The following SP4 variants were observed in gnomAD, a reference collection of about 807,000 sequenced individuals.
SP4 encodes the protein transcription factor Sp4.
In SP4, 19 loss-of-function variants were observed where a neutral mutation model predicts 72.8. The ratio of observed to expected loss-of-function variants is 0.26; its 90% CI spans 0.18 to 0.38. SP4 has a LOEUF of 0.38. Ranked by LOEUF, SP4 falls within the 10% of genes least tolerant of loss-of-function variation. SP4 has a pLI of 1.00. For missense variants in SP4, 1,008 were observed against 926.3 expected, an observed-to-expected ratio of 1.09 and a Z score of -1.14; for synonymous variants, 395 against 333.1, an observed-to-expected ratio of 1.19 and a Z score of -2.02.
At chr7:21,468,675 T>C (rs1448560929) in intron 3 of SP4, among the ~76,000 whole-genome samples, 1 of 152,088 alleles carries the variant, frequency 6.6e-6, no homozygotes, top group Non-Finnish European at 1.5e-5. Context: ...TATAATTATA[T>C]CTTTTGTAAA....
intron 3 of SP4, among the ~76,000 whole-genome samples, chr7:21,436,677 T>C (rs147132107): frequency 4.7e-4 from 71 of 152,278 alleles, no homozygotes; most frequent in Non-Finnish European, 3.8e-4. Context: ...TGAGTTAAGA[T>C]TGGCTGTTAA....
chr7:21,432,474 G>GATT (rs1782894098), intron 3 of SP4, among the ~76,000 whole-genome samples: 1 of 152,142 alleles, frequency 6.6e-6, no homozygotes, highest in African/African-American at 2.4e-5. Context: ...TTATAATTTA[G>GATT]GTTAGAAGTA....
chr7:21,467,309 TA>T (rs908634472), intron 3 of SP4, among the ~76,000 whole-genome samples: 253 of 151,896 alleles, frequency 1.7e-3, no homozygotes, highest in Non-Finnish European at 3.1e-3. Flanking sequence ...AAAGTAGAAT[TA>T]AAAAAAAATT....
At chr7:21,482,711 A>G in intron 5 of SP4, 1 of 976,968 alleles carries the variant, frequency 1.0e-6, no homozygotes, top group Non-Finnish European at 1.2e-6. Context: ...CACTTTTAAT[A>G]CTCTGACATA....
chr7:21,452,959 T>G (rs1314752786), intron 3 of SP4, among the ~76,000 whole-genome samples: 2 of 152,052 alleles, frequency 1.3e-5, no homozygotes, highest in Non-Finnish European at 2.9e-5. Context: ...TTTTTATATT[T>G]TTAGTAGAGA....
rs943341806 is a variant in SP4 at position 21,513,375 on chromosome 7, T to C, written c.*2106T>C. The C allele has an allele frequency of 2.0e-5, 3 of 152,606 alleles. No homozygotes were observed. Among genetic ancestry groups the C allele is most frequent in the African/African-American group, 7.2e-5 (3 of 41,450 alleles). 9.5% of individuals were successfully genotyped at this position (152,606 alleles called of 1,614,324 possible). On this transcript the variant is annotated 3_prime_UTR_variant, in exon 6 of 6. Coordinates refer to ENST00000222584, the MANE Select transcript of SP4 (RefSeq NM_003112.5). ...TAGACTTGTAACAGAGTCTTTAAAT[T>C]TAAGTTGGATTTTGTAAATTGTTTT...
At chr7:21,458,264 C>G (rs1783837976) in intron 3 of SP4, among the ~76,000 whole-genome samples, 1 of 152,158 alleles carries the variant, frequency 6.6e-6, no homozygotes, top group Admixed American at 6.5e-5. Context: ...ACAGTCTTGG[C>G]TCACTGCAAA....
intron 5 of SP4, among the ~76,000 whole-genome samples, chr7:21,508,537 C>T (rs927177996): frequency 1.3e-5 from 2 of 152,140 alleles, no homozygotes; most frequent in Admixed American, 6.6e-5. Context: ...CCATGTTGGC[C>T]AGGCTGGTCT....
At position 21,428,360 on chromosome 7, in the gene SP4, T is replaced by A. The variant is rs1782695827; in HGVS notation, c.7+102T>A. 2.4e-5 allele frequency: 17 copies of A among 720,304 alleles called. No homozygotes were observed. In the East Asian group the frequency reaches 4.3e-4, roughly 18 times the overall value. 44.6% of individuals were successfully genotyped at this position (720,304 alleles called of 1,614,324 possible). ...CCCCCCTCCCCCGGGGCCGCTGAGA[T>A]GCTTTAAGGGGAGGAGGAGAGGGCG... is the stretch of plus-strand genomic sequence containing the variant. On this transcript the variant is annotated intron_variant, in intron 1 of 5. Transcript: ENST00000222584.
intron 5 of SP4, among the ~76,000 whole-genome samples, chr7:21,496,530 C>G (rs1032813592): frequency 4.6e-5 from 7 of 152,290 alleles, no homozygotes; most frequent in Admixed American, 1.3e-4. Flanking sequence ...TCTTCCAAGG[C>G]TCTAAATGTA....
chr7:21,486,885 A>G (rs925692071), intron 5 of SP4, among the ~76,000 whole-genome samples: 1 of 152,192 alleles, frequency 6.6e-6, no homozygotes, highest in African/African-American at 2.4e-5. Context: ...CACCACAATA[A>G]TTACTATTTT....
chr7:21,508,942 G>A (rs766812441), intron 5 of SP4, among the ~76,000 whole-genome samples: 19 of 150,722 alleles, frequency 1.3e-4, no homozygotes, highest in Non-Finnish European at 1.9e-4. Flanking sequence ...GCTTATTATC[G>A]ATTGATTGTG....
At chr7:21,483,177 T>C (rs556456497) in intron 5 of SP4, among the ~76,000 whole-genome samples, 6 of 152,116 alleles carry the variant, frequency 3.9e-5, no homozygotes, top group Non-Finnish European at 8.8e-5. Context: ...GTGTTTTTCA[T>C]GGTTATCCAT....
chr7:21,460,580 A>G (rs1319509117), intron 3 of SP4, among the ~76,000 whole-genome samples: 1 of 152,142 alleles, frequency 6.6e-6, no homozygotes, highest in Non-Finnish European at 1.5e-5. Context: ...TGGCTCGGGC[A>G]GCCTGCTTTT....
intron 5 of SP4, among the ~76,000 whole-genome samples, chr7:21,490,988 T>C (rs571584050): frequency 6.6e-6 from 1 of 152,214 alleles, no homozygotes; most frequent in Non-Finnish European, 1.5e-5. Flanking sequence ...TGCAATATAA[T>C]GTCCAAAATG....
chr7:21,428,325 G>C (rs1782692924), intron 1 of SP4, 67 bp downstream of exon 1: 2 of 795,796 alleles, frequency 2.5e-6, no homozygotes, highest in Admixed American at 4.0e-5. Flanking sequence ...CCCAGACCCT[G>C]CTCGGTTCTC....
At chr7:21,498,456 G>A (rs1024433147) in intron 5 of SP4, among the ~76,000 whole-genome samples, 5 of 152,132 alleles carry the variant, frequency 3.3e-5, no homozygotes, top group Admixed American at 1.3e-4. Context: ...CTCATGAAAA[G>A]ACTTTAGATA....
intron 3 of SP4, among the ~76,000 whole-genome samples, chr7:21,458,044 G>A (rs1469993490): frequency 1.3e-5 from 2 of 152,170 alleles, no homozygotes; most frequent in Middle Eastern, 3.4e-3. Context: ...TATAACTTTC[G>A]AAGAAGAAAT....
intron 3 of SP4, among the ~76,000 whole-genome samples, chr7:21,460,278 G>A (rs990277840): frequency 2.0e-5 from 3 of 152,166 alleles, no homozygotes; most frequent in African/African-American, 4.8e-5. Flanking sequence ...GGATGTGTTC[G>A]AAGTTTCTTC....
Sources: allele counts gnomAD v4.1 joint callset (sites outside exome capture counted in the v4.1 genomes callset), GRCh38; gene constraint gnomAD v4.1.1; transcripts MANE v1.5; gene names NCBI Gene and HGNC (gene_info 2026-07-23, HGNC 2026-07-21).